Variants in DNAH8 observed in about 807,000 individuals in gnomAD.
The protein encoded by DNAH8 is axonemal beta dynein heavy chain 8.
In DNAH8, 382 loss-of-function variants were observed where a neutral mutation model predicts 562.1. The observed-to-expected ratio is 0.68, with a 90% CI of 0.63 to 0.74. The LOEUF (loss-of-function observed/expected upper bound fraction) is 0.74. Ranked by LOEUF, DNAH8 falls within the 30% of genes least tolerant of loss-of-function variation. The pLI is 0.00. For missense variants in DNAH8, 5,203 were observed against 5,620.4 expected (o/e 0.93, Z 2.37); for synonymous variants, 1,881 against 1,919.4 (o/e 0.98, Z 0.52).
intron 12 of DNAH8, among the ~76,000 whole-genome samples, chr6:38,772,904 C>T (rs989785934): frequency 1.3e-5 from 2 of 150,600 alleles, no homozygotes; most frequent in African/African-American, 4.9e-5. Context: ...TCACTTCAGC[C>T]TTGAACTCCT....
chr6:38,923,116 T>C lies in DNAH8; in HGVS notation c.10721T>C (p.Ile3574Thr). 6.2e-7 allele frequency: 1 copy of C among 1,613,802 alleles called. No individual in the cohort carries two copies. The highest frequency in any genetic ancestry group is 8.5e-7 in the Non-Finnish European group (1 of 1,179,826). ...AAGATGCAGGCCGCCTCCACTCTCATCGATGGGCTGAGTGGAGAAAAAATC... is the reference window on the plus strand; with the variant it reads ...AAGATGCAGGCCGCCTCCACTCTCACCGATGGGCTGAGTGGAGAAAAAATC... ...RKKMQAASTL[I>T]DGLSGEKIRW... The change falls in exon 72 of 93, where the codon ATC becomes ACC. Residue 3574 changes from isoleucine to threonine, a missense_variant. Transcript: ENST00000327475.
chr6:38,991,369 G>GCTCTT lies in DNAH8; in HGVS notation c.13214+1197_13214+1198insCTCTT, dbSNP rs1764777002. ...GGCAGCTCTTGCTGTTATCTAAGGA[G>GCTCTT]GCTTTCATAAGTTATCTGGGGATGG... is the stretch of plus-strand genomic sequence containing the variant. On this transcript the variant is annotated intron_variant, in intron 88 of 92. Transcript: ENST00000327475. Among the ~76,000 whole-genome samples, 10 of 152,360 alleles carry GCTCTT rather than the reference G, an allele frequency of 6.6e-5. No homozygotes were observed. In the South Asian group the frequency reaches 2.1e-3, roughly 32 times the overall value.
chr6:38,924,293 A>ACT, intron 73 of DNAH8, 131 bp downstream of exon 73: 1 of 821,858 alleles, frequency 1.2e-6, no homozygotes, highest in Non-Finnish European at 1.9e-6. Flanking sequence ...AGGGCAGATC[A>ACT]TGAGGTCAGG....
At chr6:38,923,437 G>T (rs1471407365) in intron 72 of DNAH8, 3 of 342,246 alleles carry the variant, frequency 8.8e-6, no homozygotes, top group Non-Finnish European at 1.6e-5. Flanking sequence ...TGCCAGAGCC[G>T]TCTCCACTCC....
intron 91 of DNAH8, among the ~76,000 whole-genome samples, chr6:39,022,126 T>C (rs1766954563): frequency 6.6e-6 from 1 of 152,188 alleles, no homozygotes; most frequent in African/African-American, 2.4e-5. Context: ...CTGTATTGTA[T>C]TGGGAGGAGG....
intron 81 of DNAH8, among the ~76,000 whole-genome samples, chr6:38,950,010 C>G (rs1236959342): frequency 6.6e-6 from 1 of 151,884 alleles, no homozygotes; most frequent in East Asian, 1.9e-4. Context: ...AGAAAAAAAC[C>G]CAATAATATT....
intron 87 of DNAH8, among the ~76,000 whole-genome samples, chr6:38,989,219 G>A (rs528887418): frequency 2.6e-4 from 39 of 152,334 alleles, no homozygotes; most frequent in African/African-American, 6.5e-4. Context: ...CAGACGTCGT[G>A]CCTGCATTTC....
At chr6:38,914,393 T>TC (rs1781139651) in intron 67 of DNAH8, among the ~76,000 whole-genome samples, 1 of 17,212 alleles carries the variant, frequency 5.8e-5, no homozygotes, top group African/African-American at 2.8e-4. Context: ...GCTTTTTCTC[T>TC]TTTTTTTTTT....
rs1191228405 is a variant in DNAH8, at chr6:38,724,917, G to A, written c.525+1446G>A. On this transcript the variant is annotated intron_variant, in intron 3 of 92. Coordinates refer to ENST00000327475, the MANE Select transcript of DNAH8 (RefSeq NM_001206927.2). The stretch of plus-strand genomic sequence containing the variant: ...TTGTGGTGAGGTTGTCACCATGGGG[G>A]CCATATCCCCTGCTTTTATAGGGGT... Among the ~76,000 whole-genome samples, 3 of 151,964 alleles carry A rather than the reference G, an allele frequency of 2.0e-5. No individual in the cohort carries two copies. The East Asian group carries it at 5.8e-4, about 29-fold the overall frequency.
Position 38,994,015 on chromosome 6 carries a change from A to G in DNAH8, c.13214+3843A>G, listed in dbSNP as rs181685197. 1.9e-3 allele frequency among the ~76,000 whole-genome samples: 283 copies of G among 152,192 alleles called. 1 individual carries two copies. The highest frequency in any genetic ancestry group is 6.6e-3 in the African/African-American group (274 of 41,536). ...CTTACATAGGGTTATACTGTTTTGT[A>G]CTTTTACTTGCAGTCTGTGAGTGCC... is the stretch of plus-strand genomic sequence containing the variant. On this transcript the variant is annotated intron_variant, in intron 88 of 92. Coordinates refer to ENST00000327475, the MANE Select transcript of DNAH8 (RefSeq NM_001206927.2).
chr6:38,777,782 A>G (rs1768213132), intron 13 of DNAH8, among the ~76,000 whole-genome samples: 1 of 152,168 alleles, frequency 6.6e-6, no homozygotes, highest in African/African-American at 2.4e-5. Context: ...CGTCCTTAGC[A>G]GTGGCAAAGA....
chr6:38,732,671 T>G (rs565012799), intron 4 of DNAH8, among the ~76,000 whole-genome samples: 1 of 152,302 alleles, frequency 6.6e-6, no homozygotes, highest in Non-Finnish European at 1.5e-5. Flanking sequence ...TAGACTTCCA[T>G]CTCTCAAATC....
chr6:38,927,772 A>T (rs1435711463), intron 74 of DNAH8, among the ~76,000 whole-genome samples: 1 of 151,894 alleles, frequency 6.6e-6, no homozygotes, highest in Non-Finnish European at 1.5e-5. Context: ...TTATCTCTCC[A>T]TTTCTGGATT....
chr6:38,868,330 A>G, intron 48 of DNAH8, 134 bp downstream of exon 48: 2 of 870,560 alleles, frequency 2.3e-6, no homozygotes, highest in Non-Finnish European at 3.4e-6. Flanking sequence ...CAAAGCTACC[A>G]CTGTGCTTCC....
intron 13 of DNAH8, among the ~76,000 whole-genome samples, chr6:38,777,084 A>G (rs1562746707): frequency 6.6e-6 from 1 of 152,218 alleles, no homozygotes; most frequent in Non-Finnish European, 1.5e-5. Context: ...AAATTCTACC[A>G]TTCTAACGAT....
intron 82 of DNAH8, among the ~76,000 whole-genome samples, chr6:38,968,902 A>G (rs997658061): frequency 3.3e-5 from 5 of 152,228 alleles, no homozygotes; most frequent in Admixed American, 2.6e-4. Context: ...GGGGCTGATG[A>G]ACAGATAAAG....
At position 38,842,519 on chromosome 6, in the gene DNAH8, G is replaced by A; in HGVS notation, c.4604+14G>A. On this transcript the variant is annotated intron_variant, in intron 34 of 92. Coordinates refer to ENST00000327475, the MANE Select transcript of DNAH8 (RefSeq NM_001206927.2). ...ATTTCAAAACAGGTGAGTTTCAATG[G>A]AATTTTTTATAATGCCTGTCTTCTT... 6.2e-7 allele frequency: 1 copy of A among 1,608,100 alleles called. No homozygotes were observed. The highest frequency in any genetic ancestry group is 1.1e-5 in the South Asian group (1 of 89,354).
At chr6:38,829,527 G>T (rs1773654364) in intron 30 of DNAH8, among the ~76,000 whole-genome samples, 1 of 152,106 alleles carries the variant, frequency 6.6e-6, no homozygotes, top group African/African-American at 2.4e-5. Context: ...ATAAGTTAGG[G>T]ATTCGACTTC....
chr6:38,734,326 A>ACT (rs1554195317), intron 4 of DNAH8, 148 bp from the exon 5 acceptor site: 4 of 451,112 alleles, frequency 8.9e-6, no homozygotes, highest in Non-Finnish European at 1.3e-5. Flanking sequence ...CTTCTAGTAG[A>ACT]CCCCCCCCCA....
Sources: gnomAD v4.1 joint callset for allele counts (sites outside exome capture counted in the v4.1 genomes callset) on GRCh38, gnomAD v4.1.1 for gene constraint, MANE v1.5 for transcripts, NCBI Gene and HGNC (gene_info 2026-07-23, HGNC 2026-07-21) for gene names.